GRM5: variants seen among roughly 807,000 people sequenced by gnomAD.
GRM5 encodes the protein metabotropic glutamate receptor 5.
Under a neutral mutation model 83.1 loss-of-function variants are expected in GRM5, and 19 were observed. That is an observed-to-expected ratio of 0.23 (90% CI 0.16 to 0.34). GRM5 has a LOEUF of 0.34. Ranked by LOEUF, GRM5 falls within the 10% of genes least tolerant of loss-of-function variation. The pLI, the probability that GRM5 is intolerant of heterozygous loss-of-function variation, is 1.00. For synonymous variants in GRM5, 675 were observed against 633.6 expected, an observed-to-expected ratio of 1.07 and a Z score of -0.98; for missense variants, 1,160 against 1,588.3, an observed-to-expected ratio of 0.73 and a Z score of 4.58.
intron 2 of GRM5, among the ~76,000 whole-genome samples, chr11:88,985,300 TA>T (rs776292170): frequency 2.0e-5 from 3 of 152,110 alleles, no homozygotes; most frequent in Non-Finnish European, 2.9e-5. Flanking sequence ...AGGTACATAA[TA>T]AAAATCCTTT....
chr11:88,552,884 C>A (rs373208811), intron 8 of GRM5, among the ~76,000 whole-genome samples: 1 of 152,160 alleles, frequency 6.6e-6, no homozygotes, highest in Non-Finnish European at 1.5e-5. Context: ...AAACAAAAGC[C>A]TCTAAAAATT....
intron 7 of GRM5, among the ~76,000 whole-genome samples, chr11:88,587,048 T>A (rs1419251410): frequency 6.6e-6 from 1 of 152,176 alleles, no homozygotes; most frequent in African/African-American, 2.4e-5. Flanking sequence ...AGGCATTGTA[T>A]TAGGTGCTGA....
chr11:88,597,322 T>C lies in GRM5; in HGVS notation c.1425A>G (p.Gly475=). The stretch of plus-strand genomic sequence containing the variant: ...CGTTGATATAATCAAAGTAATCTTT[T>C]CCCATTTCCTTGAAATTCATTATTT... ...RYEIMNFKEM[G]KDYFDYINVG... Residue 475 remains glycine (G), a synonymous_variant, in exon 6 of 10, where the codon GGA becomes GGG. Coordinates refer to ENST00000305447, the MANE Select transcript of GRM5 (RefSeq NM_001143831.3). 6.5e-7 allele frequency: 1 copy of C among 1,546,264 alleles called. No individual in the cohort carries two copies. The highest frequency in any genetic ancestry group is 8.9e-7 in the Non-Finnish European group (1 of 1,122,548).
chr11:88,817,688 T>C (rs1008425650), intron 3 of GRM5, among the ~76,000 whole-genome samples: 5 of 152,118 alleles, frequency 3.3e-5, no homozygotes, highest in Non-Finnish European at 7.4e-5. Context: ...CACTGAGTTA[T>C]TTATTAAATT....
chr11:89,000,451 C>G (rs1230615875), intron 2 of GRM5, among the ~76,000 whole-genome samples: 1 of 152,014 alleles, frequency 6.6e-6, no homozygotes, highest in East Asian at 1.9e-4. Flanking sequence ...GGTATTAAAA[C>G]AATTCAATTC....
At chr11:88,695,271 A>G (rs2135365109) in intron 3 of GRM5, among the ~76,000 whole-genome samples, 1 of 152,312 alleles carries the variant, frequency 6.6e-6, no homozygotes, top group South Asian at 2.1e-4. Flanking sequence ...GTTTTATAAT[A>G]TGCAGTTCTT....
At chr11:88,641,972 T>C (rs1414649604) in intron 4 of GRM5, among the ~76,000 whole-genome samples, 1 of 152,128 alleles carries the variant, frequency 6.6e-6, no homozygotes, top group Non-Finnish European at 1.5e-5. Flanking sequence ...GTGGGGACTG[T>C]TTGTGGGGGC....
chr11:88,799,956 T>C (rs747430177), intron 3 of GRM5, among the ~76,000 whole-genome samples: 23 of 152,020 alleles, frequency 1.5e-4, no homozygotes, highest in Non-Finnish European at 2.9e-4. Context: ...CAATAGGCAA[T>C]GGAAATGAGA....
chr11:88,931,090 C>A (rs1937688112), intron 2 of GRM5, among the ~76,000 whole-genome samples: 1 of 151,210 alleles, frequency 6.6e-6, no homozygotes, highest in Non-Finnish European at 1.5e-5. Context: ...TTTTTAAATG[C>A]TATTATATGT....
At chr11:89,036,037 T>G (rs1941376701) in intron 2 of GRM5, among the ~76,000 whole-genome samples, 2 of 152,170 alleles carry the variant, frequency 1.3e-5, no homozygotes, top group Admixed American at 6.6e-5. Context: ...TAAAATTTGC[T>G]TATGCTTGTT....
intron 3 of GRM5, among the ~76,000 whole-genome samples, chr11:88,654,802 G>T (rs972223452): frequency 1.3e-4 from 20 of 151,668 alleles, no homozygotes; most frequent in African/African-American, 4.6e-4. Flanking sequence ...CAGAAAGCAT[G>T]GTCCAATATT....
intron 7 of GRM5, among the ~76,000 whole-genome samples, chr11:88,589,555 A>T (rs1310327409): frequency 6.6e-6 from 1 of 152,204 alleles, no homozygotes; most frequent in Non-Finnish European, 1.5e-5. Flanking sequence ...GAGTAAAATC[A>T]TTCATCCTGG....
At chr11:88,897,725 C>T (rs1034731141) in intron 2 of GRM5, among the ~76,000 whole-genome samples, 2 of 151,878 alleles carry the variant, frequency 1.3e-5, no homozygotes, top group African/African-American at 4.8e-5. Flanking sequence ...TTCAAACTGT[C>T]AATACTGCTA....
intron 2 of GRM5, among the ~76,000 whole-genome samples, chr11:88,983,969 T>C (rs200348170): frequency 6.6e-6 from 1 of 152,132 alleles, no homozygotes; most frequent in East Asian, 1.9e-4. Context: ...TTAAAAAGCA[T>C]ATAGAAAAGG....
chr11:88,558,807 A>G (rs1942688099), intron 8 of GRM5, among the ~76,000 whole-genome samples: 1 of 150,292 alleles, frequency 6.7e-6, no homozygotes, highest in Non-Finnish European at 1.5e-5. Flanking sequence ...CTCAAAAAAA[A>G]AAAAAAAAAA....
chr11:88,942,616 T>C (rs1371452857), intron 2 of GRM5, among the ~76,000 whole-genome samples: 3 of 151,990 alleles, frequency 2.0e-5, no homozygotes, highest in Non-Finnish European at 4.4e-5. Flanking sequence ...AAGAATACTT[T>C]CAATGGTTCT....
chr11:88,989,437 C>T (rs1390040604), intron 2 of GRM5, among the ~76,000 whole-genome samples: 2 of 114,886 alleles, frequency 1.7e-5, no homozygotes, highest in African/African-American at 5.9e-5. Context: ...CCACTGTCAA[C>T]ATTAGACAGA....
At chr11:88,585,836 T>A (rs2135200147) in intron 7 of GRM5, among the ~76,000 whole-genome samples, 1 of 152,308 alleles carries the variant, frequency 6.6e-6, no homozygotes, top group East Asian at 1.9e-4. Flanking sequence ...CTGTTAATTA[T>A]AAGACAAAGG....
At chr11:88,741,927 G>A (rs539980112) in intron 3 of GRM5, among the ~76,000 whole-genome samples, 74 of 151,812 alleles carry the variant, frequency 4.9e-4, no homozygotes, top group Non-Finnish European at 8.1e-4. Flanking sequence ...TTTAATAAAA[G>A]CAAACACATT....
Sources: gnomAD v4.1 joint callset for allele counts (sites outside exome capture counted in the v4.1 genomes callset) on GRCh38, gnomAD v4.1.1 for gene constraint, MANE v1.5 for transcripts, NCBI Gene and HGNC (gene_info 2026-07-23, HGNC 2026-07-21) for gene names.